Variants in ZNF804B observed in about 807,000 individuals in gnomAD.
ZNF804B encodes zinc finger protein 804B.
A neutral mutation model predicts 101.4 loss-of-function variants in ZNF804B; 80 were observed. The ratio of observed to expected loss-of-function variants is 0.79; its 90% CI spans 0.66 to 0.95. The LOEUF (loss-of-function observed/expected upper bound fraction) is 0.95. Ranked by LOEUF, ZNF804B falls within the 40% of genes least tolerant of loss-of-function variation. ZNF804B has a pLI of 0.00. For missense variants in ZNF804B, 1,673 were observed against 1,561.9 expected (o/e 1.07, Z -1.20); for synonymous variants, 622 against 558.8 (o/e 1.11, Z -1.59).
At chr7:89,143,388 G>A (rs1249977570) in intron 1 of ZNF804B, among the ~76,000 whole-genome samples, 1 of 151,612 alleles carries the variant, frequency 6.6e-6, no homozygotes, top group East Asian at 1.9e-4. Flanking sequence ...ATGAGCTATG[G>A]GCTGTCTTAG....
At chr7:89,017,948 G>A (rs918186589) in intron 1 of ZNF804B, among the ~76,000 whole-genome samples, 1 of 152,044 alleles carries the variant, frequency 6.6e-6, no homozygotes, top group African/African-American at 2.4e-5. Context: ...GCATAAGATT[G>A]TGTCATCAGC....
intron 1 of ZNF804B, among the ~76,000 whole-genome samples, chr7:89,202,433 T>G (rs1049077144): frequency 2.6e-5 from 4 of 152,064 alleles, no homozygotes. Context: ...GAGGTCTCTA[T>G]TGGGGATGAT....
chr7:88,821,194 C>G (rs1389802787), intron 1 of ZNF804B, among the ~76,000 whole-genome samples: 2 of 152,146 alleles, frequency 1.3e-5, no homozygotes, highest in Admixed American at 6.5e-5. Context: ...AACTGTTATA[C>G]ACCATAATTC....
At chr7:88,923,271 A>T (rs1792751062) in intron 1 of ZNF804B, among the ~76,000 whole-genome samples, 1 of 151,824 alleles carries the variant, frequency 6.6e-6, no homozygotes, top group African/African-American at 2.4e-5. Context: ...CTGCCATAGA[A>T]CTCTCTGATA....
intron 1 of ZNF804B, among the ~76,000 whole-genome samples, chr7:89,058,562 AC>A (rs1295660019): frequency 2.0e-5 from 3 of 152,146 alleles, no homozygotes; most frequent in Non-Finnish European, 4.4e-5. Flanking sequence ...TTTAACTTTT[AC>A]CAGGCTTACC....
At chr7:88,952,419 C>T (rs917634442) in intron 1 of ZNF804B, among the ~76,000 whole-genome samples, 11 of 151,686 alleles carry the variant, frequency 7.3e-5, no homozygotes, top group African/African-American at 2.7e-4. Flanking sequence ...CTAGGAAAAC[C>T]ATGTTACAAT....
chr7:88,854,407 CT>C, intron 1 of ZNF804B, among the ~76,000 whole-genome samples: 4 of 143,324 alleles, frequency 2.8e-5, no homozygotes, highest in Admixed American at 6.9e-5. Flanking sequence ...TTCTTTCTTT[CT>C]TTCTTCCTTT....
chr7:89,176,083 C>A (rs1791313919), intron 1 of ZNF804B, among the ~76,000 whole-genome samples: 1 of 151,864 alleles, frequency 6.6e-6, no homozygotes, highest in Non-Finnish European at 1.5e-5. Flanking sequence ...ATTAGGACTT[C>A]CAGTATGATG....
chr7:88,912,047 T>A (rs1792557179), intron 1 of ZNF804B, among the ~76,000 whole-genome samples: 1 of 152,000 alleles, frequency 6.6e-6, no homozygotes, highest in South Asian at 2.1e-4. Flanking sequence ...CTTTGTAATG[T>A]TTCCAATGAG....
intron 1 of ZNF804B, among the ~76,000 whole-genome samples, chr7:88,946,646 TC>T (rs1353871190): frequency 2.0e-5 from 3 of 151,922 alleles, no homozygotes; most frequent in Non-Finnish European, 2.9e-5. Context: ...TCCCTCTTTT[TC>T]TATTCTTTGG....
chr7:88,955,103 A>G (rs943223062), intron 1 of ZNF804B, among the ~76,000 whole-genome samples: 3 of 150,950 alleles, frequency 2.0e-5, no homozygotes, highest in East Asian at 2.0e-4. Flanking sequence ...CTATTTAAAA[A>G]AAAAAAAAAG....
chr7:89,210,395 T>C (rs1324650132), intron 1 of ZNF804B, among the ~76,000 whole-genome samples: 1 of 152,164 alleles, frequency 6.6e-6, no homozygotes, highest in East Asian at 1.9e-4. Flanking sequence ...GTTTGTTACA[T>C]AGGTAAACGT....
At chr7:89,056,161 G>A (rs1789292112) in intron 1 of ZNF804B, among the ~76,000 whole-genome samples, 1 of 151,972 alleles carries the variant, frequency 6.6e-6, no homozygotes, top group Non-Finnish European at 1.5e-5. Flanking sequence ...ATTGCTTTTT[G>A]AGTCCCAACA....
At chr7:89,216,385 G>T (rs1788897133) in intron 1 of ZNF804B, among the ~76,000 whole-genome samples, 1 of 149,136 alleles carries the variant, frequency 6.7e-6, no homozygotes, top group Non-Finnish European at 1.5e-5. Flanking sequence ...TAAATCAAGG[G>T]ATTTAGCACC....
intron 1 of ZNF804B, among the ~76,000 whole-genome samples, chr7:88,818,132 C>A (rs1457347931): frequency 6.6e-6 from 1 of 152,064 alleles, no homozygotes; most frequent in Non-Finnish European, 1.5e-5. Flanking sequence ...GTCCCTGGAA[C>A]CTATTTTTAA....
chr7:89,288,085 G>A (rs1035182247), intron 2 of ZNF804B, among the ~76,000 whole-genome samples: 10 of 151,622 alleles, frequency 6.6e-5, no homozygotes, highest in African/African-American at 2.4e-4. Context: ...AACAGATAAG[G>A]GCTTCAAAAT....
At chr7:89,015,591 GT>G (rs1294701984) in intron 1 of ZNF804B, among the ~76,000 whole-genome samples, 1 of 151,750 alleles carries the variant, frequency 6.6e-6, no homozygotes, top group Non-Finnish European at 1.5e-5. Flanking sequence ...GCAGTGTTTG[GT>G]TTTTTGTCCT....
chr7:89,051,589 G>T (rs1789205456), intron 1 of ZNF804B, among the ~76,000 whole-genome samples: 1 of 152,112 alleles, frequency 6.6e-6, no homozygotes, highest in Non-Finnish European at 1.5e-5. Context: ...TGATCTTCAT[G>T]TCCACTAGTG....
At chr7:89,215,906 A>AATAC (rs1428707436) in intron 1 of ZNF804B, among the ~76,000 whole-genome samples, 10 of 150,112 alleles carry the variant, frequency 6.7e-5, no homozygotes, top group African/African-American at 2.4e-4. Context: ...TAAATAAATA[A>AATAC]ATAAATAAAT....
Sources: allele counts gnomAD v4.1 joint callset (sites outside exome capture counted in the v4.1 genomes callset), GRCh38; gene constraint gnomAD v4.1.1; transcripts MANE v1.5; gene names NCBI Gene and HGNC (gene_info 2026-07-23, HGNC 2026-07-21).